The following SNTG2 variants were observed in gnomAD, a reference collection of about 807,000 sequenced individuals.
The protein encoded by SNTG2 is syntrophin gamma 2.
In SNTG2, 74 loss-of-function variants were observed where a neutral mutation model predicts 70.9. That is an observed-to-expected ratio of 1.04 (90% CI 0.86 to 1.27). SNTG2 has a LOEUF of 1.27. SNTG2 is among the 50% of genes most tolerant of loss of function. The pLI, the probability that SNTG2 is intolerant of heterozygous loss-of-function variation, is 0.00. For missense variants in SNTG2, 717 were observed against 690.7 expected (o/e 1.04, Z -0.43); for synonymous variants, 278 against 273.8 (o/e 1.02, Z -0.15).
In SNTG2 at chr2:998,470, A is replaced by G. The variant is rs186040808; in HGVS notation, c.72+47402A>G. On this transcript the variant is annotated intron_variant, in intron 1 of 16. Transcript: ENST00000308624. ...TAGATATTAAAAGAAGCAAATAAAC[A>G]GAACTTCTAAGAATGAAAAATTCAC... is the stretch of plus-strand genomic sequence containing the variant. Among the ~76,000 whole-genome samples the G allele has an allele frequency of 3.4e-3, 519 of 152,132 alleles. 4 individuals carry two copies. The highest frequency in any genetic ancestry group is 0.011 in the African/African-American group (455 of 41,538).
chr2:1,358,736 C>T lies in SNTG2; in HGVS notation c.1489-8607C>T, dbSNP rs1660986090. 1.3e-5 allele frequency among the ~76,000 whole-genome samples: 2 copies of T among 152,130 alleles called. 1 individual carries two copies. Among genetic ancestry groups the T allele is most frequent in the South Asian group, 4.1e-4 (2 of 4,828 alleles). ...AGATACTAGGTATGATGTCAGTCTTCTTATATTTGTTAATATGTGGCTTGA... is the reference window on the plus strand; with the variant it reads ...AGATACTAGGTATGATGTCAGTCTTTTTATATTTGTTAATATGTGGCTTGA... On this transcript the variant is annotated intron_variant, in intron 16 of 16. Transcript: ENST00000308624.
intron 9 of SNTG2, chr2:1,219,893 A>C (rs1009274397): frequency 2.6e-5 from 4 of 152,204 alleles, no homozygotes; most frequent in African/African-American, 9.6e-5. Flanking sequence ...CACTCACCTT[A>C]TTTCAGAAGA....
At chr2:1,068,741 AG>A (rs1663323607) in intron 1 of SNTG2, among the ~76,000 whole-genome samples, 3 of 152,256 alleles carry the variant, frequency 2.0e-5, no homozygotes, top group Admixed American at 6.5e-5. Context: ...ATAGCACAGA[AG>A]TTTCATGATT....
intron 16 of SNTG2, among the ~76,000 whole-genome samples, chr2:1,336,094 GAGATAAATCCAAA>G (rs1169036681): frequency 1.6e-4 from 25 of 152,156 alleles, no homozygotes; most frequent in African/African-American, 5.5e-4. Flanking sequence ...CATTGGTAAA[GAGATAAATCCAAA>G]ATATGCCTCT....
intron 1 of SNTG2, among the ~76,000 whole-genome samples, chr2:1,019,902 G>T (rs1346195928): frequency 6.6e-6 from 1 of 152,142 alleles, no homozygotes; most frequent in African/African-American, 2.4e-5. Flanking sequence ...AATTAGCCGG[G>T]TGTGGTGGCG....
intron 1 of SNTG2, among the ~76,000 whole-genome samples, chr2:974,322 A>G (rs899020834): frequency 9.9e-5 from 15 of 152,178 alleles, no homozygotes; most frequent in Admixed American, 8.5e-4. Flanking sequence ...CAGGACCCCA[A>G]GCCTGGGGGC....
In SNTG2 at chr2:1,259,085, A is replaced by G. The variant is rs75187868; in HGVS notation, c.1006-285A>G. 5.7e-3 allele frequency among the ~76,000 whole-genome samples: 873 copies of G among 152,356 alleles called. 4 individuals carry two copies. Among genetic ancestry groups the G allele is most frequent in the Middle Eastern group, 0.01 (3 of 294 alleles). On this transcript the variant is annotated intron_variant, in intron 12 of 16. Transcript: ENST00000308624. ...TGCCCAATTGCATGTGATAGACAAG[A>G]TATCATAGATATCAATCTTATCTAT...
chr2:1,239,814 C>T (rs561937898), intron 11 of SNTG2, 38 bp downstream of exon 11: 1 of 1,604,154 alleles, frequency 6.2e-7, no homozygotes, highest in Non-Finnish European at 8.5e-7. Context: ...TGTAACACAT[C>T]AGGTAGGGTT....
intron 16 of SNTG2, among the ~76,000 whole-genome samples, chr2:1,321,861 T>C (rs1049937375): frequency 2.4e-5 from 1 of 42,358 alleles, no homozygotes; most frequent in African/African-American, 8.2e-5. Flanking sequence ...AGCAAAGCCT[T>C]CTTTCTTCCT....
At chr2:1,354,055 G>T (rs987394373) in intron 16 of SNTG2, among the ~76,000 whole-genome samples, 9 of 152,162 alleles carry the variant, frequency 5.9e-5, no homozygotes, top group Non-Finnish European at 1.3e-4. Context: ...AAAAATTCAG[G>T]GTGTTAAAGC....
At chr2:1,034,350 T>TACCA in intron 1 of SNTG2, among the ~76,000 whole-genome samples, 2 of 152,370 alleles carry the variant, frequency 1.3e-5, no homozygotes, top group African/African-American at 4.8e-5. Context: ...TTATCCAATC[T>TACCA]ACCACTGATG....
At chr2:1,208,290 A>AGTGTGAGGCACATCT (rs1673790134) in intron 8 of SNTG2, among the ~76,000 whole-genome samples, 1 of 75,432 alleles carries the variant, frequency 1.3e-5, no homozygotes, top group African/African-American at 4.7e-5. Flanking sequence ...CACACCTGTG[A>AGTGTGAGGCACATCT]GTGTGAGGCA....
intron 16 of SNTG2, among the ~76,000 whole-genome samples, chr2:1,334,984 A>G (rs954225996): frequency 6.6e-6 from 1 of 152,244 alleles, no homozygotes; most frequent in Admixed American, 6.5e-5. Flanking sequence ...CAAAGTACTC[A>G]AAAGACTACA....
chr2:1,207,494 T>C (rs1673711113), intron 8 of SNTG2, among the ~76,000 whole-genome samples: 1 of 152,186 alleles, frequency 6.6e-6, no homozygotes, highest in African/African-American at 2.4e-5. Context: ...CCTCCCTCAG[T>C]GTCCATTCCC....
intron 12 of SNTG2, among the ~76,000 whole-genome samples, chr2:1,258,706 C>CATGAAATATTTTAACTTAGAG (rs1464530504): frequency 1.8e-4 from 27 of 152,138 alleles, no homozygotes; most frequent in African/African-American, 6.3e-4. Flanking sequence ...GATTTTTCTG[C>CATGAAATATTTTAACTTAGAG]ATGAAATATT....
intron 16 of SNTG2, among the ~76,000 whole-genome samples, chr2:1,354,302 G>T (rs1331731379): frequency 2.3e-3 from 43 of 18,468 alleles, no homozygotes; most frequent in Admixed American, 4.1e-3. Flanking sequence ...AGCCTCATCT[G>T]TAAAGTGGAT....
chr2:1,278,254 T>C (rs1281564046), intron 14 of SNTG2, among the ~76,000 whole-genome samples: 3 of 152,214 alleles, frequency 2.0e-5, no homozygotes, highest in Non-Finnish European at 4.4e-5. Context: ...ATATTGTTTA[T>C]GGAGGGCAGA....
intron 14 of SNTG2, among the ~76,000 whole-genome samples, chr2:1,280,771 T>TAGA (rs1481498065): frequency 1.3e-5 from 2 of 152,272 alleles, no homozygotes; most frequent in East Asian, 3.8e-4. Flanking sequence ...ATTTACAAAC[T>TAGA]TTCTGAAAGT....
intron 14 of SNTG2, among the ~76,000 whole-genome samples, chr2:1,304,891 T>C (rs1680608764): frequency 6.6e-6 from 1 of 152,234 alleles, no homozygotes; most frequent in Admixed American, 6.5e-5. Context: ...AAAGCTGAAC[T>C]TCAAAGCCAT....
Sources: gnomAD v4.1 joint callset for allele counts (sites outside exome capture counted in the v4.1 genomes callset) on GRCh38, gnomAD v4.1.1 for gene constraint, MANE v1.5 for transcripts, NCBI Gene and HGNC (gene_info 2026-07-23, HGNC 2026-07-21) for gene names.